The following MEIS2 variants were observed in gnomAD, a reference collection of about 807,000 sequenced individuals.
The protein encoded by MEIS2 is Meis homeobox 2.
Under a neutral mutation model 58.6 loss-of-function variants are expected in MEIS2, and 9 were observed. That is an observed-to-expected ratio of 0.15 (90% CI 0.09 to 0.27). The LOEUF (loss-of-function observed/expected upper bound fraction) is 0.27. Among genes scored for constraint, MEIS2 ranks in the 10% least tolerant of loss-of-function variants. The pLI, the probability that MEIS2 is intolerant of heterozygous loss-of-function variation, is 1.00. For missense variants in MEIS2, 427 were observed against 635.0 expected (o/e 0.67, Z 3.52); for synonymous variants, 221 against 228.4 (o/e 0.97, Z 0.29).
intron 8 of MEIS2, among the ~76,000 whole-genome samples, chr15:36,975,469 G>GGTTT (rs1555439782): frequency 7.4e-6 from 1 of 135,640 alleles, no homozygotes; most frequent in Non-Finnish European, 1.5e-5. Flanking sequence ...AAAAATAAGG[G>GGTTT]TTTTTTTTTT....
At chr15:36,898,465 T>C (rs1186171592) in intron 9 of MEIS2, 4 of 152,264 alleles carry the variant, frequency 2.6e-5, no homozygotes, top group Non-Finnish European at 4.4e-5. Context: ...CCCTTTTATG[T>C]GCTACTAATC....
intron 8 of MEIS2, among the ~76,000 whole-genome samples, chr15:37,009,305 TA>T (rs939222339): frequency 1.1e-3 from 168 of 151,344 alleles, no homozygotes; most frequent in Non-Finnish European, 1.3e-3. Context: ...AAATAAAAAA[TA>T]AAAAAAAATA....
At chr15:36,988,872 T>C (rs1244657387) in intron 8 of MEIS2, among the ~76,000 whole-genome samples, 1 of 152,172 alleles carries the variant, frequency 6.6e-6, no homozygotes, top group Non-Finnish European at 1.5e-5. Context: ...ACTTACTTAT[T>C]ACTAGATCAT....
Position 37,053,986 on chromosome 15 carries a change from C to T in MEIS2, c.755-17027G>A, listed in dbSNP as rs187691810. On this transcript the variant is annotated intron_variant, in intron 7 of 11. Transcript: ENST00000561208. The stretch of plus-strand genomic sequence containing the variant: ...AAGTGTAGGGGCATAGACTGTTATC[C>T]GCATTTAACAGATAAAGCGAGTGAG... Among the ~76,000 whole-genome samples the T allele has an allele frequency of 1.6e-4, 24 of 152,174 alleles. No individual in the cohort carries two copies. The East Asian group carries it at 1.9e-3, about 12-fold the overall frequency.
intron 1 of MEIS2, 51 bp downstream of exon 1, chr15:37,099,404 C>T: frequency 6.2e-7 from 1 of 1,613,664 alleles, no homozygotes; most frequent in Non-Finnish European, 8.5e-7. Flanking sequence ...GGGACAGGCC[C>T]CTCTTAGGAG....
At chr15:37,047,934 T>C (rs968590122) in intron 7 of MEIS2, among the ~76,000 whole-genome samples, 2 of 152,240 alleles carry the variant, frequency 1.3e-5, no homozygotes, top group Admixed American at 1.3e-4. Flanking sequence ...AAATTTTTAA[T>C]CATGCAAAAT....
chr15:37,075,187 A>C (rs1331594777), intron 7 of MEIS2, among the ~76,000 whole-genome samples: 1 of 152,042 alleles, frequency 6.6e-6, no homozygotes, highest in Non-Finnish European at 1.5e-5. Flanking sequence ...CATTACATTT[A>C]AAGACATCCA....
intron 8 of MEIS2, among the ~76,000 whole-genome samples, chr15:37,009,696 A>G (rs1176091451): frequency 6.6e-6 from 1 of 152,248 alleles, no homozygotes; most frequent in East Asian, 1.9e-4. Context: ...TCTCTCTGAT[A>G]CTTCACAAAA....
At chr15:37,038,508 C>T (rs1239871911) in intron 7 of MEIS2, among the ~76,000 whole-genome samples, 1 of 152,230 alleles carries the variant, frequency 6.6e-6, no homozygotes, top group African/African-American at 2.4e-5. Context: ...ATGCGATACC[C>T]TCCATCACAT....
At chr15:36,929,695 G>T (rs907965709) in intron 9 of MEIS2, among the ~76,000 whole-genome samples, 32 of 152,216 alleles carry the variant, frequency 2.1e-4, no homozygotes, top group Non-Finnish European at 3.7e-4. Flanking sequence ...CACCATGGCA[G>T]GTATTTATGC....
At chr15:36,981,740 T>C (rs902007869) in intron 8 of MEIS2, among the ~76,000 whole-genome samples, 3 of 152,170 alleles carry the variant, frequency 2.0e-5, no homozygotes, top group Non-Finnish European at 4.4e-5. Flanking sequence ...CATTAGCATT[T>C]GAATCAGTCA....
At chr15:36,993,282 G>C (rs1160734872) in intron 8 of MEIS2, among the ~76,000 whole-genome samples, 2 of 152,008 alleles carry the variant, frequency 1.3e-5, no homozygotes, top group South Asian at 2.1e-4. Context: ...GAAACTTCTA[G>C]AATTCCGGTA....
chr15:36,960,655 A>G (rs894895123), intron 8 of MEIS2, among the ~76,000 whole-genome samples: 5 of 152,152 alleles, frequency 3.3e-5, no homozygotes, highest in Non-Finnish European at 7.4e-5. Flanking sequence ...TTCTTTCTGC[A>G]TATAAATGAG....
rs923121888 is a variant in MEIS2, at chr15:37,005,072, A to C, written c.900+31742T>G. Among the ~76,000 whole-genome samples, 9 of 152,336 alleles carry C rather than the reference A, an allele frequency of 5.9e-5. No individual in the cohort carries two copies. In the South Asian group the frequency reaches 6.2e-4, roughly 11 times the overall value. ...TTACCTGATGTTCTAAAAAATTCCA[A>C]TTCATAAAAACCATGTTGAAACATC... On this transcript the variant is annotated intron_variant, in intron 8 of 11. Coordinates refer to ENST00000561208, the MANE Select transcript of MEIS2 (RefSeq NM_170675.5).
intron 6 of MEIS2, among the ~76,000 whole-genome samples, chr15:37,092,956 T>C (rs573661688): frequency 1.3e-5 from 2 of 152,128 alleles, no homozygotes; most frequent in Non-Finnish European, 2.9e-5. Context: ...TTGTTAATAA[T>C]TGGTTCATCA....
At chr15:37,023,920 T>C (rs1337293514) in intron 8 of MEIS2, among the ~76,000 whole-genome samples, 5 of 150,004 alleles carry the variant, frequency 3.3e-5, no homozygotes, top group African/African-American at 9.8e-5. Context: ...TCTTTTTTTT[T>C]TTTTTTTTTT....
rs543316718 is a variant in MEIS2 at position 37,038,166 on chromosome 15, C to T, written c.755-1207G>A. Among the ~76,000 whole-genome samples the T allele has an allele frequency of 3.3e-5, 5 of 152,312 alleles. No homozygotes were observed. The East Asian group carries it at 9.6e-4, about 29-fold the overall frequency. Reference sequence around the variant, plus strand: ...AGCAGTAAATGCCATAAATCCCATGCTAAGTAAAAACCTTGTCCAAGAAAG... The same window carrying T: ...AGCAGTAAATGCCATAAATCCCATGTTAAGTAAAAACCTTGTCCAAGAAAG... On this transcript the variant is annotated intron_variant, in intron 7 of 11. Transcript: ENST00000561208.
intron 9 of MEIS2, among the ~76,000 whole-genome samples, chr15:36,940,612 C>T (rs1244666786): frequency 6.6e-6 from 1 of 152,176 alleles, no homozygotes; most frequent in Non-Finnish European, 1.5e-5. Flanking sequence ...CAGAACTACA[C>T]ATAACTCGGT....
Position 36,943,040 on chromosome 15 carries a change from G to GT in MEIS2, c.977+7283dup, listed in dbSNP as rs527398572. Among the ~76,000 whole-genome samples, 388 of 152,084 alleles carry GT rather than the reference G, an allele frequency of 2.6e-3. 1 individual carries two copies. Among genetic ancestry groups the GT allele is most frequent in the Non-Finnish European group, 2.5e-3 (168 of 67,942 alleles). On this transcript the variant is annotated intron_variant, in intron 9 of 11. Transcript: ENST00000561208. ...TTGAAAATTCCTTTTTTAAAAAAAT[G>GT]TTTTTTTAAAATACAATTTTACTTT...
Sources: gnomAD v4.1 joint callset for allele counts (sites outside exome capture counted in the v4.1 genomes callset) on GRCh38, gnomAD v4.1.1 for gene constraint, MANE v1.5 for transcripts, NCBI Gene and HGNC (gene_info 2026-07-23, HGNC 2026-07-21) for gene names.